Variants in MOV10L1 observed in about 807,000 individuals in gnomAD.
The protein encoded by MOV10L1 is Mov10 like RNA helicase 1.
MOV10L1 carries 110 observed loss-of-function variants against 143.8 expected under a neutral mutation model. That is an observed-to-expected ratio of 0.76 (90% CI 0.66 to 0.90). The LOEUF is 0.90. MOV10L1 is among the 40% of genes least tolerant of loss of function. MOV10L1 has a pLI of 0.00. For missense variants in MOV10L1, 1,406 were observed against 1,526.8 expected, an observed-to-expected ratio of 0.92 and a Z score of 1.32; for synonymous variants, 593 against 581.1, an observed-to-expected ratio of 1.02 and a Z score of -0.29.
chr22:50,106,683 G>GCAAC, intron 3 of MOV10L1, among the ~76,000 whole-genome samples: 1 of 150,134 alleles, frequency 6.7e-6, no homozygotes, highest in African/African-American at 2.4e-5. Flanking sequence ...ATTAAATTGT[G>GCAAC]GTTTTAGGAC....
At chr22:50,141,090 C>T (rs1324110648) in intron 15 of MOV10L1, among the ~76,000 whole-genome samples, 2 of 151,456 alleles carry the variant, frequency 1.3e-5, no homozygotes, top group African/African-American at 2.4e-5. Flanking sequence ...CTCGCTCTGT[C>T]GCCAGGCTGG....
rs1436699859 is a variant in MOV10L1, at chr22:50,109,729, C to T, written c.743+885C>T. The T allele has an allele frequency of 1.7e-5, 3 of 178,370 alleles. No homozygotes were observed. The East Asian group carries it at 5.1e-4, about 30-fold the overall frequency. 11.0% of individuals were successfully genotyped at this position (178,370 alleles called of 1,614,324 possible). A position where few individuals can be genotyped will look rare whatever the true frequency, so the allele number is the denominator to read the frequency against. On this transcript the variant is annotated intron_variant, in intron 5 of 26. Transcript: ENST00000262794. ...TGGTGGTGTGCACCTCCGGTCCCAGCTACACACGAGGTTGAAGCAGGAAGA... is the reference window on the plus strand; with the variant it reads ...TGGTGGTGTGCACCTCCGGTCCCAGTTACACACGAGGTTGAAGCAGGAAGA...
rs1385527865 is a variant in MOV10L1 at position 50,145,751 on chromosome 22, C to T, written c.2568C>T (p.Arg856=). ...RDGEDIWKAS[R]FRIIITTCSS... ...GAGAAGACATCTGGAAAGCCTCACG[C>T]TTCCGGATAATCATCACCACATGCA... Residue 856 remains arginine, a synonymous_variant, in exon 19 of 27, where the codon CGC becomes CGT. Transcript: ENST00000262794. The T allele has an allele frequency of 6.2e-7, 1 of 1,614,044 alleles. No homozygotes were observed. The highest frequency in any genetic ancestry group is 8.5e-7 in the Non-Finnish European group (1 of 1,180,030).
At chr22:50,138,470 A>T (rs1265635184) in intron 15 of MOV10L1, among the ~76,000 whole-genome samples, 1 of 151,900 alleles carries the variant, frequency 6.6e-6, no homozygotes. Context: ...AGGCAAGAGG[A>T]TCCCTTGAGC....
At chr22:50,099,332 C>G in intron 2 of MOV10L1, 111 bp from the exon 3 acceptor site, 6 of 1,307,066 alleles carry the variant, frequency 4.6e-6, no homozygotes, top group Non-Finnish European at 6.3e-6. Flanking sequence ...TCTGCCAGGG[C>G]CTTGATCTTG....
intron 12 of MOV10L1, among the ~76,000 whole-genome samples, chr22:50,127,891 G>A (rs1448112571): frequency 6.6e-6 from 1 of 151,842 alleles, no homozygotes; most frequent in Admixed American, 6.6e-5. Flanking sequence ...TCCTGCCTCA[G>A]CCTCCCAAGT....
chr22:50,093,414 C>A (rs1336068950), intron 2 of MOV10L1: 1 of 151,952 alleles, frequency 6.6e-6, no homozygotes, highest in Non-Finnish European at 1.5e-5. Context: ...TTCCATGTAG[C>A]TTTTGGATGC....
chr22:50,153,852 G>A (rs1249116071), intron 22 of MOV10L1, among the ~76,000 whole-genome samples: 1 of 152,240 alleles, frequency 6.6e-6, no homozygotes, highest in Non-Finnish European at 1.5e-5. Context: ...CCAGAAGAAG[G>A]GGCATTCAAG....
chr22:50,130,472 A>G (rs963910933), intron 13 of MOV10L1, among the ~76,000 whole-genome samples: 1 of 152,144 alleles, frequency 6.6e-6, no homozygotes, highest in African/African-American at 2.4e-5. Flanking sequence ...GGAATGGAGA[A>G]ATGTCGTTGA....
At chr22:50,154,402 A>AT (rs879707738) in intron 22 of MOV10L1, among the ~76,000 whole-genome samples, 39 of 147,108 alleles carry the variant, frequency 2.7e-4, no homozygotes, top group South Asian at 6.5e-4. Flanking sequence ...TTAAAAAAAA[A>AT]TTTTTTTTTT....
At chr22:50,150,476 C>G (rs1254515756) in intron 20 of MOV10L1, among the ~76,000 whole-genome samples, 1 of 152,138 alleles carries the variant, frequency 6.6e-6, no homozygotes, top group African/African-American at 2.4e-5. Flanking sequence ...TTGAGAGATT[C>G]GCAGGAGAGA....
At chr22:50,102,879 C>T (rs551760662) in intron 3 of MOV10L1, among the ~76,000 whole-genome samples, 2 of 151,820 alleles carry the variant, frequency 1.3e-5, no homozygotes, top group South Asian at 4.2e-4. Context: ...CCAGCCTGGG[C>T]GACAGAGCAA....
intron 22 of MOV10L1, among the ~76,000 whole-genome samples, chr22:50,155,347 G>C (rs760948849): frequency 6.7e-6 from 1 of 149,358 alleles, no homozygotes; most frequent in Non-Finnish European, 1.5e-5. Flanking sequence ...TGCAACCTCC[G>C]CCTTCCAGGT....
intron 17 of MOV10L1, 105 bp from the exon 18 acceptor site, chr22:50,143,992 G>A: frequency 7.0e-7 from 1 of 1,431,732 alleles, no homozygotes; most frequent in Non-Finnish European, 9.6e-7. Flanking sequence ...CTGAGCCCAT[G>A]CAGCTGAGTC....
rs764436318 is a variant in MOV10L1, at chr22:50,090,082, G to A, written c.-7G>A. On this transcript the variant is annotated 5_prime_UTR_variant, in exon 1 of 27. Coordinates refer to ENST00000262794, the MANE Select transcript of MOV10L1 (RefSeq NM_018995.3). Reference sequence around the variant, plus strand: ...GCGGTGACGGCAGCCTAGGCCGGGCGAGGGCCATGCTGAGCCTCGCAGCCA... The same window carrying A: ...GCGGTGACGGCAGCCTAGGCCGGGCAAGGGCCATGCTGAGCCTCGCAGCCA... 4.6e-6 allele frequency: 6 copies of A among 1,293,572 alleles called. No homozygotes were observed. The East Asian group carries it at 1.6e-4, about 35-fold the overall frequency. The allele number at this position is 1,293,572 out of a possible 1,614,324, so 80.1% of individuals were successfully genotyped here.
At chr22:50,144,485 G>A (rs1396646442) in intron 18 of MOV10L1, among the ~76,000 whole-genome samples, 1 of 152,248 alleles carries the variant, frequency 6.6e-6, no homozygotes, top group Non-Finnish European at 1.5e-5. Flanking sequence ...GGCATTCGTA[G>A]CATTGTAAAA....
At chr22:50,127,203 C>T (rs183769732) in intron 12 of MOV10L1, among the ~76,000 whole-genome samples, 3 of 152,224 alleles carry the variant, frequency 2.0e-5, no homozygotes, top group African/African-American at 7.2e-5. Context: ...GGAAGCTTTG[C>T]ATACCAAAAC....
intron 22 of MOV10L1, among the ~76,000 whole-genome samples, chr22:50,153,985 G>A (rs908758266): frequency 1.3e-5 from 2 of 152,240 alleles, no homozygotes; most frequent in Admixed American, 1.3e-4. Flanking sequence ...TGGGGCCTCT[G>A]CATTCCATGC....
rs1169913122 is a variant in MOV10L1, at chr22:50,158,865, GATGTT to G, written c.3216+665_3216+669del. ...TGTGCTGACCGCAGAGCCCGTCAAAGATGTTATGTTTCCTTTTTTCTGACCTCGGG... is the reference window on the plus strand; with the variant it reads ...TGTGCTGACCGCAGAGCCCGTCAAAGATGTTTCCTTTTTTCTGACCTCGGG... On this transcript the variant is annotated intron_variant, in intron 23 of 26. Transcript: ENST00000262794. This position sits in a 1 kb window ranked among gnomAD's most constrained non-coding sequence, Gnocchi z 5.0. 10 of 152,298 alleles carry G rather than the reference GATGTT, an allele frequency of 6.6e-5. No individual in the cohort carries two copies. The highest frequency in any genetic ancestry group is 2.4e-4 in the African/African-American group (10 of 41,444). 9.4% of individuals were successfully genotyped at this position (152,298 alleles called of 1,614,324 possible). A position where few individuals can be genotyped will look rare whatever the true frequency, so the allele number is the denominator to read the frequency against.
Sources: allele counts gnomAD v4.1 joint callset (sites outside exome capture counted in the v4.1 genomes callset), GRCh38; gene constraint gnomAD v4.1.1; non-coding constraint Gnocchi (gnomAD v3.1); transcripts MANE v1.5; gene names NCBI Gene and HGNC (gene_info 2026-07-23, HGNC 2026-07-21).